Variants in PCDHA12 observed in about 807,000 individuals in gnomAD.
PCDHA12 encodes the protein protocadherin alpha-12.
PCDHA12 carries 44 observed loss-of-function variants against 60.0 expected under a neutral mutation model. That is an observed-to-expected ratio of 0.73 (90% CI 0.58 to 0.94). The LOEUF is 0.94. Ranked by LOEUF, PCDHA12 falls within the 40% of genes least tolerant of loss-of-function variation. The pLI, the probability that PCDHA12 is intolerant of heterozygous loss-of-function variation, is 0.00. For missense variants in PCDHA12, 1,276 were observed against 1,239.7 expected, an observed-to-expected ratio of 1.03 and a Z score of -0.44; for synonymous variants, 569 against 553.0, an observed-to-expected ratio of 1.03 and a Z score of -0.40.
chr5:140,920,429 C>T (rs2079631906), intron 1 of PCDHA12, among the ~76,000 whole-genome samples: 1 of 152,136 alleles, frequency 6.6e-6, no homozygotes. Flanking sequence ...TTCTCCCACA[C>T]ACCTCTTTTA....
At chr5:140,967,357 T>C (rs782125763) in intron 1 of PCDHA12, 2 of 1,608,222 alleles carry the variant, frequency 1.2e-6, no homozygotes, top group Non-Finnish European at 1.7e-6. Context: ...AGCTGGACCT[T>C]AAGCCCCTGC....
chr5:140,953,842 T>A (rs1369287853), intron 1 of PCDHA12, among the ~76,000 whole-genome samples: 2 of 152,214 alleles, frequency 1.3e-5, no homozygotes, highest in Non-Finnish European at 2.9e-5. Flanking sequence ...GTTACCCAGG[T>A]AAACATGTGC....
intron 1 of PCDHA12, chr5:140,882,600 A>G: frequency 6.2e-7 from 1 of 1,614,252 alleles, no homozygotes; most frequent in East Asian, 2.2e-5. Context: ...GTGATCGTGG[A>G]CAGGCCTCTG....
intron 1 of PCDHA12, among the ~76,000 whole-genome samples, chr5:140,906,179 C>G (rs2072430767): frequency 1.3e-5 from 2 of 152,172 alleles, no homozygotes; most frequent in African/African-American, 4.8e-5. Flanking sequence ...TACTTTGCAT[C>G]CTTCAATCCA....
intron 1 of PCDHA12, chr5:140,966,387 C>G: frequency 2.5e-6 from 1 of 405,008 alleles, no homozygotes. Context: ...GGTTCGCTGT[C>G]CGCCACTTCG....
intron 1 of PCDHA12, among the ~76,000 whole-genome samples, chr5:140,905,749 C>T (rs1442006265): frequency 6.6e-6 from 1 of 152,162 alleles, no homozygotes; most frequent in Non-Finnish European, 1.5e-5. Flanking sequence ...AGATCTTTCA[C>T]CTCCTTGGTT....
chr5:140,961,007 T>C (rs2095583572), intron 1 of PCDHA12, among the ~76,000 whole-genome samples: 1 of 152,230 alleles, frequency 6.6e-6, no homozygotes, highest in Non-Finnish European at 1.5e-5. Context: ...GCTGCTGGAC[T>C]GCATGGACAC....
At chr5:140,882,684 G>A (rs781811851) in intron 1 of PCDHA12, 3 of 1,614,172 alleles carry the variant, frequency 1.9e-6, no homozygotes, top group South Asian at 1.1e-5. Context: ...AGCAAGAAAC[G>A]AATAATCATT....
chr5:140,885,525 A>G (rs1206570848), intron 1 of PCDHA12, among the ~76,000 whole-genome samples: 4 of 152,128 alleles, frequency 2.6e-5, no homozygotes, highest in Admixed American at 6.6e-5. Flanking sequence ...ATCATTTCAT[A>G]TATTTCCCAA....
rs782248969 is a variant in PCDHA12 at position 140,927,466 on chromosome 5, G to A, written c.2367+49627G>A. 67 of 1,614,044 alleles carry A rather than the reference G, an allele frequency of 4.2e-5. No homozygotes were observed. Among genetic ancestry groups the A allele is most frequent in the Non-Finnish European group, 5.4e-5 (64 of 1,180,052 alleles). Reference sequence around the variant, plus strand: ...GGAGTTGGTGTTGGAGAAAGCACTGGATCGCGAACAGCGCGCCACCCACCT... The same window carrying A: ...GGAGTTGGTGTTGGAGAAAGCACTGAATCGCGAACAGCGCGCCACCCACCT... On this transcript the variant is annotated intron_variant, in intron 1 of 3. Coordinates refer to ENST00000398631, the MANE Select transcript of PCDHA12 (RefSeq NM_018903.4).
At chr5:140,919,404 T>C (rs1554199054) in intron 1 of PCDHA12, among the ~76,000 whole-genome samples, 1 of 152,218 alleles carries the variant, frequency 6.6e-6, no homozygotes, top group African/African-American at 2.4e-5. Context: ...TCCTAAAAAC[T>C]CTAGACTGAC....
chr5:140,941,199 C>CT (rs879983584), intron 1 of PCDHA12, among the ~76,000 whole-genome samples: 21,657 of 115,670 alleles, frequency 0.19, 2,171 homozygotes, highest in East Asian at 0.37. Flanking sequence ...TTTTTTCTTT[C>CT]TTCCTTTCTT....
intron 1 of PCDHA12, among the ~76,000 whole-genome samples, chr5:140,945,317 A>C (rs1322598969): frequency 1.3e-5 from 2 of 152,150 alleles, no homozygotes; most frequent in Non-Finnish European, 2.9e-5. Context: ...AAATAAATGG[A>C]AATATATTTT....
At chr5:140,928,594 G>A in intron 1 of PCDHA12, 1 of 1,614,204 alleles carries the variant, frequency 6.2e-7, no homozygotes, top group Non-Finnish European at 8.5e-7. Context: ...TGTCCCAGTG[G>A]AAATTGTGCC....
chr5:141,000,615 A>G (rs2097951954), intron 3 of PCDHA12, among the ~76,000 whole-genome samples: 1 of 150,870 alleles, frequency 6.6e-6, no homozygotes, highest in South Asian at 2.1e-4. Context: ...TTTAGTAGAG[A>G]CAGGGTTTCA....
chr5:140,928,592 T>G (rs781970359), intron 1 of PCDHA12: 1 of 1,614,178 alleles, frequency 6.2e-7, no homozygotes, highest in Non-Finnish European at 8.5e-7. Context: ...TCTGTCCCAG[T>G]GGAAATTGTG....
chr5:141,005,659 G>A (rs963015988), intron 3 of PCDHA12, among the ~76,000 whole-genome samples: 2 of 123,926 alleles, frequency 1.6e-5, no homozygotes, highest in South Asian at 2.6e-4. Flanking sequence ...TCGAGATCGC[G>A]CCACTGCACT....
chr5:140,906,646 G>GT (rs35557065), intron 1 of PCDHA12, among the ~76,000 whole-genome samples: 1 of 152,192 alleles, frequency 6.6e-6, no homozygotes, highest in Non-Finnish European at 1.5e-5. Context: ...GCAGGTAGTG[G>GT]TTTTTTCCTG....
intron 3 of PCDHA12, among the ~76,000 whole-genome samples, chr5:140,988,221 T>A (rs1554249982): frequency 6.6e-6 from 1 of 152,016 alleles, no homozygotes; most frequent in Non-Finnish European, 1.5e-5. Context: ...AAAAATGAGA[T>A]CAGGGATCTA....
Sources: allele counts gnomAD v4.1 joint callset (sites outside exome capture counted in the v4.1 genomes callset), GRCh38; gene constraint gnomAD v4.1.1; transcripts MANE v1.5; gene names NCBI Gene and HGNC (gene_info 2026-07-23, HGNC 2026-07-21).